Variants in NRG1 observed in about 807,000 individuals in gnomAD.
NRG1 encodes the protein neuregulin 1, also known as pro-neuregulin-1, membrane-bound isoform.
A neutral mutation model predicts 63.8 loss-of-function variants in NRG1; 18 were observed. The observed-to-expected ratio is 0.28, with a 90% CI of 0.19 to 0.42. The LOEUF (loss-of-function observed/expected upper bound fraction) is 0.42. NRG1 is among the 10% of genes least tolerant of loss of function. The pLI is 1.00. For synonymous variants in NRG1, 302 were observed against 301.3 expected, an observed-to-expected ratio of 1.00 and a Z score of -0.02; for missense variants, 762 against 814.7, an observed-to-expected ratio of 0.94 and a Z score of 0.79.
At chr8:31,725,473 C>A (rs964456659) in intron 1 of NRG1, among the ~76,000 whole-genome samples, 2 of 152,178 alleles carry the variant, frequency 1.3e-5, no homozygotes, top group East Asian at 1.9e-4. Flanking sequence ...TAGATGTCAG[C>A]ATTTCTGTGC....
At chr8:31,924,933 T>A (rs1222136904) in intron 1 of NRG1, among the ~76,000 whole-genome samples, 1 of 151,582 alleles carries the variant, frequency 6.6e-6, no homozygotes, top group Non-Finnish European at 1.5e-5. Flanking sequence ...GTATTTGAGT[T>A]CTAGCTTAAT....
intron 1 of NRG1, among the ~76,000 whole-genome samples, chr8:32,593,854 C>CAAAAAAAAAAA (rs11444147): frequency 1.0e-5 from 1 of 97,076 alleles, no homozygotes; most frequent in East Asian, 2.7e-4. Flanking sequence ...TTCAAGGTGT[C>CAAAAAAAAAAA]AAAAAAAAAA....
intron 1 of NRG1, among the ~76,000 whole-genome samples, chr8:32,518,427 G>T (rs532541000): frequency 6.0e-4 from 91 of 152,226 alleles, no homozygotes; most frequent in African/African-American, 2.1e-3. Context: ...AGTCCCAATT[G>T]TGTGGGTGAC....
intron 1 of NRG1, among the ~76,000 whole-genome samples, chr8:32,472,996 T>C (rs1215402824): frequency 1.3e-5 from 2 of 152,226 alleles, no homozygotes; most frequent in Non-Finnish European, 2.9e-5. Flanking sequence ...AGTTTATGAA[T>C]GACAAATGGG....
At chr8:31,691,594 C>CAA (rs71208138) in intron 1 of NRG1, among the ~76,000 whole-genome samples, 959 of 34,970 alleles carry the variant, frequency 0.027, 288 homozygotes, top group East Asian at 0.087. Flanking sequence ...GACTCTGTCT[C>CAA]AAAAAAAAAA....
intron 1 of NRG1, among the ~76,000 whole-genome samples, chr8:31,996,686 C>T (rs1269075551): frequency 6.6e-6 from 1 of 151,756 alleles, no homozygotes; most frequent in Admixed American, 6.6e-5. Context: ...TCTTCCAGCA[C>T]CTGAAAGACA....
chr8:31,772,649 T>C (rs1350622760), intron 1 of NRG1, among the ~76,000 whole-genome samples: 1 of 152,188 alleles, frequency 6.6e-6, no homozygotes, highest in Admixed American at 6.5e-5. Flanking sequence ...ACCTGGGATC[T>C]GGTACTGGAT....
chr8:32,104,387 T>TG (rs1563791374), intron 1 of NRG1, among the ~76,000 whole-genome samples: 1 of 152,150 alleles, frequency 6.6e-6, no homozygotes, highest in Non-Finnish European at 1.5e-5. Flanking sequence ...TTGCTCTGGG[T>TG]GGGTCAGTGA....
At chr8:32,257,427 T>C (rs1191345694) in intron 1 of NRG1, among the ~76,000 whole-genome samples, 1 of 152,204 alleles carries the variant, frequency 6.6e-6, no homozygotes, top group African/African-American at 2.4e-5. Flanking sequence ...ATAGAACTTT[T>C]CCTTCTCACA....
chr8:32,544,668 A>C (rs2129521792), upstream of NRG1, among the ~76,000 whole-genome samples: 1 of 140,298 alleles, frequency 7.1e-6, no homozygotes, highest in East Asian at 2.1e-4. Flanking sequence ...ACACCTGGCT[A>C]ATTTTTGTAT....
intron 1 of NRG1, among the ~76,000 whole-genome samples, chr8:32,529,294 T>C (rs1049989111): frequency 4.6e-5 from 7 of 152,218 alleles, no homozygotes; most frequent in African/African-American, 1.7e-4. Flanking sequence ...TTCTCACGAA[T>C]GGAGCTTGCA....
At chr8:31,844,512 C>A (rs1490967617) in intron 1 of NRG1, among the ~76,000 whole-genome samples, 1 of 152,008 alleles carries the variant, frequency 6.6e-6, no homozygotes, top group East Asian at 1.9e-4. Flanking sequence ...AAAGATGTAC[C>A]TCAAAAGGAA....
intron 1 of NRG1, among the ~76,000 whole-genome samples, chr8:32,412,251 G>T (rs1587471941): frequency 6.6e-6 from 1 of 151,652 alleles, no homozygotes; most frequent in East Asian, 1.9e-4. Flanking sequence ...TTATACCATT[G>T]GCTCTCCTGG....
intron 1 of NRG1, among the ~76,000 whole-genome samples, chr8:31,670,373 C>T (rs1807002702): frequency 6.6e-6 from 1 of 152,152 alleles, no homozygotes; most frequent in Non-Finnish European, 1.5e-5. Flanking sequence ...ACGTTTTACA[C>T]TCTCCCAACC....
intron 1 of NRG1, among the ~76,000 whole-genome samples, chr8:32,176,424 C>G (rs1043776514): frequency 1.3e-5 from 2 of 152,188 alleles, no homozygotes; most frequent in African/African-American, 4.8e-5. Flanking sequence ...TGGACAAGGA[C>G]TTCATGTCTA....
intron 1 of NRG1, among the ~76,000 whole-genome samples, chr8:31,927,409 G>C (rs905776659): frequency 7.8e-6 from 1 of 128,404 alleles, no homozygotes; most frequent in Non-Finnish European, 1.7e-5. Flanking sequence ...TTACATTTTA[G>C]TTTACTGTAC....
chr8:32,524,404 A>G (rs1433399435), intron 1 of NRG1, among the ~76,000 whole-genome samples: 1 of 152,004 alleles, frequency 6.6e-6, no homozygotes, highest in Admixed American at 6.6e-5. Context: ...TTTCTTCCCA[A>G]CCTTCCTGAC....
chr8:32,335,817 C>T (rs756827948), intron 1 of NRG1, among the ~76,000 whole-genome samples: 2 of 152,170 alleles, frequency 1.3e-5, no homozygotes, highest in Non-Finnish European at 2.9e-5. Flanking sequence ...CGTCTCCTCG[C>T]TGTGCTGAGA....
At chr8:32,717,896 G>A (rs1336313443) in intron 5 of NRG1, among the ~76,000 whole-genome samples, 1 of 152,154 alleles carries the variant, frequency 6.6e-6, no homozygotes, top group Non-Finnish European at 1.5e-5. Flanking sequence ...CTTTTAGGGA[G>A]GCTCCTTGCC....
Sources: gnomAD v4.1 joint callset for allele counts (sites outside exome capture counted in the v4.1 genomes callset) on GRCh38, gnomAD v4.1.1 for gene constraint, MANE v1.5 for transcripts, NCBI Gene and HGNC (gene_info 2026-07-23, HGNC 2026-07-21) for gene names.